PVT1: variants seen among roughly 807,000 people sequenced by gnomAD.
PVT1 encodes CXCR4/PVT1 fusion.
intron 3 of PVT1, among the ~76,000 whole-genome samples, chr8:127,897,688 G>A (rs922982389): frequency 4.7e-5 from 7 of 148,256 alleles, no homozygotes; most frequent in Non-Finnish European, 8.9e-5. Context: ...GAAAGAAAAA[G>A]GAAGGAAGGA....
At chr8:127,857,119 G>A (rs867424216) in intron 2 of PVT1, among the ~76,000 whole-genome samples, 150 of 152,232 alleles carry the variant, frequency 9.9e-4, no homozygotes, top group African/African-American at 3.2e-3. Context: ...CCAGCTACTC[G>A]AGATGCTGAG....
rs549783235 is a variant in PVT1, at chr8:128,094,347, A to G, written n.1115-2171A>G. Among the ~76,000 whole-genome samples the G allele has an allele frequency of 2.2e-4, 33 of 152,388 alleles. 1 individual carries two copies. In the East Asian group the frequency reaches 2.9e-3, roughly 13 times the overall value. Reference sequence around the variant, plus strand: ...TGTTTAAATAAAAAAATCACAAGAAATGTAATTTTATAGCATGAAAATTAT... The same window carrying G: ...TGTTTAAATAAAAAAATCACAAGAAGTGTAATTTTATAGCATGAAAATTAT... On this transcript the variant is annotated intron_variant and non_coding_transcript_variant, in intron 5 of 10. Coordinates refer to ENST00000651587, the Ensembl canonical transcript of PVT1.
At chr8:127,820,927 T>G (rs575807889) in intron 2 of PVT1, among the ~76,000 whole-genome samples, 170 of 152,262 alleles carry the variant, frequency 1.1e-3, no homozygotes, top group Non-Finnish European at 4.4e-4. Flanking sequence ...CAGGCTGGTC[T>G]TAAAGTCCTG....
rs2608055 is a variant in PVT1, at chr8:128,061,525, G to A, written n.913-8635G>A. Among the ~76,000 whole-genome samples, 112 of 152,322 alleles carry A rather than the reference G, an allele frequency of 7.4e-4. 1 individual carries two copies. In the East Asian group the frequency reaches 0.021, roughly 28 times the overall value. On this transcript the variant is annotated intron_variant and non_coding_transcript_variant, in intron 4 of 10. Transcript: ENST00000651587. ...GTCTTGGGCATGTGTATACCTAGGA[G>A]TGGAATTGCTGGGTCATATGGTAAC... is the stretch of plus-strand genomic sequence containing the variant.
intron 3 of PVT1, among the ~76,000 whole-genome samples, chr8:127,935,033 G>A (rs115088067): frequency 3.9e-5 from 6 of 152,010 alleles, no homozygotes; most frequent in Non-Finnish European, 7.4e-5. Context: ...GTGTAATGGC[G>A]CTATCTCACA....
intron 4 of PVT1, among the ~76,000 whole-genome samples, chr8:128,063,663 G>T (rs1813861205): frequency 2.6e-5 from 4 of 152,134 alleles, no homozygotes; most frequent in Admixed American, 2.6e-4. Context: ...ATCTAAAAAA[G>T]TTGATCTCAA....
intron 4 of PVT1, among the ~76,000 whole-genome samples, chr8:128,035,626 T>C (rs756116059): frequency 6.6e-6 from 1 of 152,222 alleles, no homozygotes; most frequent in Non-Finnish European, 1.5e-5. Flanking sequence ...TCGACTGTTA[T>C]CTCACATGGC....
intron 4 of PVT1, among the ~76,000 whole-genome samples, chr8:128,036,777 G>A (rs184787419): frequency 1.3e-5 from 2 of 152,290 alleles, no homozygotes; most frequent in Admixed American, 6.5e-5. Context: ...CAGGGTTACC[G>A]CACCTGGGTT....
At chr8:128,025,951 CT>C (rs59269842) in intron 4 of PVT1, among the ~76,000 whole-genome samples, 122 of 143,248 alleles carry the variant, frequency 8.5e-4, no homozygotes, top group Admixed American at 1.1e-3. Context: ...ATCCAGCCTC[CT>C]TTTTTTTTTT....
At position 127,945,516 on chromosome 8, in the gene PVT1, C is replaced by T. The variant is rs140301996; in HGVS notation, n.783-43646C>T. Among the ~76,000 whole-genome samples the T allele has an allele frequency of 3.8e-3, 573 of 152,266 alleles. 6 individuals carry two copies. Among genetic ancestry groups the T allele is most frequent in the African/African-American group, 0.013 (540 of 41,548 alleles). On this transcript the variant is annotated intron_variant and non_coding_transcript_variant, in intron 3 of 10. Transcript: ENST00000651587. ...CCATTTCTGGTAGTTCCCCTGATTG[C>T]CAGGGGGATGAGCAGCCTGCCCTCA...
intron 3 of PVT1, among the ~76,000 whole-genome samples, chr8:127,899,098 C>G (rs999849548): frequency 6.6e-6 from 1 of 152,166 alleles, no homozygotes; most frequent in South Asian, 2.1e-4. Flanking sequence ...CACTGGGGGG[C>G]CCCAGAAGCT....
intron 2 of PVT1, among the ~76,000 whole-genome samples, chr8:127,844,740 G>A (rs1358190251): frequency 2.0e-5 from 3 of 151,694 alleles, no homozygotes; most frequent in African/African-American, 7.3e-5. Context: ...TTAAGATGGA[G>A]TCTCACTCTG....
intron 3 of PVT1, among the ~76,000 whole-genome samples, chr8:127,913,195 A>G (rs1334599188): frequency 6.6e-6 from 1 of 152,194 alleles, no homozygotes; most frequent in African/African-American, 2.4e-5. Flanking sequence ...TCCTTGTCCA[A>G]GAGCCTTTCT....
chr8:128,054,658 G>A (rs1813742899), intron 4 of PVT1, among the ~76,000 whole-genome samples: 1 of 152,078 alleles, frequency 6.6e-6, no homozygotes, highest in Non-Finnish European at 1.5e-5. Context: ...CATGATTTGG[G>A]CACTCCATGT....
intron 4 of PVT1, chr8:127,998,418 T>C (rs1817131764): frequency 6.6e-6 from 1 of 152,242 alleles, no homozygotes; most frequent in East Asian, 1.9e-4. Context: ...TGGTTTTATT[T>C]TGTTGCTCAT....
At chr8:127,855,397 A>G (rs1815150268) in intron 2 of PVT1, 2 of 392,508 alleles carry the variant, frequency 5.1e-6, no homozygotes, top group Admixed American at 4.4e-5. Context: ...CCAAGGGGAA[A>G]CCCTTGTTGA....
chr8:127,902,303 C>T (rs920145639), intron 3 of PVT1, among the ~76,000 whole-genome samples: 1 of 152,184 alleles, frequency 6.6e-6, no homozygotes, highest in African/African-American at 2.4e-5. Flanking sequence ...AGCACTTTGA[C>T]AGTTCACAAG....
At chr8:128,095,190 C>G (rs1177093998) in intron 5 of PVT1, among the ~76,000 whole-genome samples, 3 of 152,114 alleles carry the variant, frequency 2.0e-5, no homozygotes. Flanking sequence ...TGAAAAGAAC[C>G]GAGATTTGGA....
intron 4 of PVT1, among the ~76,000 whole-genome samples, chr8:128,046,877 T>A (rs907277703): frequency 1.3e-5 from 2 of 152,260 alleles, no homozygotes; most frequent in East Asian, 3.8e-4. Context: ...TCACGTAGAT[T>A]ACAGCCCTTT....
Sources: allele counts gnomAD v4.1 joint callset (sites outside exome capture counted in the v4.1 genomes callset), GRCh38; gene constraint gnomAD v4.1.1; transcripts MANE v1.5; gene names NCBI Gene and HGNC (gene_info 2026-07-23, HGNC 2026-07-21).